PTPRT: variants seen among roughly 807,000 people sequenced by gnomAD.
PTPRT encodes receptor-type tyrosine-protein phosphatase T.
In PTPRT, 56 loss-of-function variants were observed where a neutral mutation model predicts 176.8. The ratio of observed to expected loss-of-function variants is 0.32; its 90% CI spans 0.26 to 0.40. The LOEUF (loss-of-function observed/expected upper bound fraction) is 0.40. Among genes scored for constraint, PTPRT ranks in the 10% least tolerant of loss-of-function variants. The pLI, the probability that PTPRT is intolerant of heterozygous loss-of-function variation, is 1.00. For missense variants in PTPRT, 1,540 were observed against 1,908.2 expected, an observed-to-expected ratio of 0.81 and a Z score of 3.60; for synonymous variants, 783 against 739.0, an observed-to-expected ratio of 1.06 and a Z score of -0.96.
chr20:42,345,330 A>T (rs1389133461), intron 11 of PTPRT, among the ~76,000 whole-genome samples: 1 of 150,190 alleles, frequency 6.7e-6, no homozygotes, highest in African/African-American at 2.5e-5. Context: ...ATTGAACAGC[A>T]CTCTTTTCAG....
At chr20:42,060,227 G>A in the PTPRT span, among the ~76,000 whole-genome samples, 2 of 152,184 alleles carry the variant, frequency 1.3e-5, no homozygotes, top group Admixed American at 6.5e-5. Flanking sequence ...TCATTCCTGG[G>A]TGTTAGGGTC....
At chr20:42,186,822 G>C (rs1193020395) in intron 16 of PTPRT, among the ~76,000 whole-genome samples, 1 of 152,048 alleles carries the variant, frequency 6.6e-6, no homozygotes, top group Non-Finnish European at 1.5e-5. Flanking sequence ...ACTTGGACAA[G>C]GATGGAGGTA....
chr20:42,108,326 A>ATTAC lies in PTPRT; in HGVS notation c.3255-1409_3255-1406dup, dbSNP rs1986670737. On this transcript the variant is annotated intron_variant, in intron 23 of 30. Coordinates refer to ENST00000373187, the MANE Select transcript of PTPRT (RefSeq NM_007050.6). ...CCCCCTAGGATTAAATCCTGGCTCT[A>ATTAC]TTACTTATTAGCTGCATGACCTCGG... Among the ~76,000 whole-genome samples, 5 of 152,242 alleles carry ATTAC rather than the reference A, an allele frequency of 3.3e-5. No individual in the cohort carries two copies. In the South Asian group the frequency reaches 8.3e-4, roughly 25 times the overall value.
At chr20:43,012,715 T>C (rs1023843925) in intron 1 of PTPRT, among the ~76,000 whole-genome samples, 1 of 152,084 alleles carries the variant, frequency 6.6e-6, no homozygotes, top group African/African-American at 2.4e-5. Flanking sequence ...GCTGGTGCAC[T>C]CTACCCTCGC....
intron 6 of PTPRT, chr20:42,687,438 C>T (rs1217513359): frequency 6.6e-6 from 1 of 152,318 alleles, no homozygotes; most frequent in African/African-American, 2.4e-5. Context: ...TGCCCCGGCT[C>T]CCCCTTATCC....
rs139125304 is a variant in PTPRT, at chr20:42,420,769, C to A, written c.1560+27451G>T. 5.3e-3 allele frequency among the ~76,000 whole-genome samples: 804 copies of A among 152,282 alleles called. 12 individuals carry two copies. The highest frequency in any genetic ancestry group is 4.8e-3 in the Non-Finnish European group (324 of 68,020). ...AAGCAATTCTGAAACCAACCCCTAC[C>A]AACATGGGTCTAGGACCAACCCCCG... On this transcript the variant is annotated intron_variant, in intron 9 of 30. Coordinates refer to ENST00000373187, the MANE Select transcript of PTPRT (RefSeq NM_007050.6).
intron 6 of PTPRT, among the ~76,000 whole-genome samples, chr20:42,707,624 C>T (rs2076081132): frequency 6.6e-6 from 1 of 152,146 alleles, no homozygotes; most frequent in Non-Finnish European, 1.5e-5. Flanking sequence ...CCTTCAGTCC[C>T]ACCATCACAA....
At chr20:42,676,969 T>C (rs1304183622) in intron 7 of PTPRT, among the ~76,000 whole-genome samples, 1 of 151,996 alleles carries the variant, frequency 6.6e-6, no homozygotes, top group Non-Finnish European at 1.5e-5. Flanking sequence ...AGCAAACTCT[T>C]ACATGGCATC....
At chr20:42,764,545 C>G (rs1019079340) in intron 5 of PTPRT, among the ~76,000 whole-genome samples, 10 of 152,052 alleles carry the variant, frequency 6.6e-5, no homozygotes, top group African/African-American at 2.2e-4. Context: ...GAGTGTAACC[C>G]AAGGTGACAG....
intron 1 of PTPRT, among the ~76,000 whole-genome samples, chr20:43,070,131 C>T (rs902756730): frequency 1.3e-5 from 2 of 152,106 alleles, no homozygotes; most frequent in Admixed American, 1.3e-4. Context: ...TGAATCTGCT[C>T]CCAACTCTCC....
chr20:42,077,647 T>C lies in PTPRT; in HGVS notation c.*3232A>G. On this transcript the variant is annotated 3_prime_UTR_variant, in exon 31 of 31. Transcript: ENST00000373187. ...GCCACATCCTTGTCCCATGGGATCT[T>C]AGGGAAGTCATCCCCATCCATAAGC... 1 of 218,304 alleles carries C rather than the reference T, an allele frequency of 4.6e-6. No homozygotes were observed. The allele number at this position is 218,304 out of a possible 1,614,324, so 13.5% of individuals were successfully genotyped here. A position where few individuals can be genotyped will look rare whatever the true frequency, so the allele number is the denominator to read the frequency against.
intron 16 of PTPRT, among the ~76,000 whole-genome samples, chr20:42,166,769 A>C (rs958133792): frequency 6.6e-6 from 1 of 152,204 alleles, no homozygotes; most frequent in Middle Eastern, 3.4e-3. Context: ...AAGTACAAAA[A>C]AATTAGCCAG....
chr20:42,628,904 T>C (rs1185185653), intron 7 of PTPRT, among the ~76,000 whole-genome samples: 1 of 152,188 alleles, frequency 6.6e-6, no homozygotes, highest in Non-Finnish European at 1.5e-5. Flanking sequence ...GGCCCTTAAC[T>C]GAAAAAGTTT....
chr20:42,995,677 A>G (rs1984183390), intron 1 of PTPRT, among the ~76,000 whole-genome samples: 1 of 152,200 alleles, frequency 6.6e-6, no homozygotes, highest in Non-Finnish European at 1.5e-5. Context: ...ACAGGATCTT[A>G]CCATCCAACT....
intron 9 of PTPRT, among the ~76,000 whole-genome samples, chr20:42,389,665 C>A (rs1432133920): frequency 6.6e-6 from 1 of 151,864 alleles, no homozygotes; most frequent in African/African-American, 2.4e-5. Context: ...CCAGCCTGGG[C>A]AACACAATGA....
At chr20:42,779,379 G>C (rs549836367) in intron 4 of PTPRT, among the ~76,000 whole-genome samples, 17 of 152,246 alleles carry the variant, frequency 1.1e-4, no homozygotes, top group Non-Finnish European at 5.9e-5. Flanking sequence ...ACCTAGAACT[G>C]GATGGCTGCC....
rs1981735508 is a variant in PTPRT, at chr20:42,957,914, T to G, written c.89-71982A>C. 2.0e-5 allele frequency among the ~76,000 whole-genome samples: 3 copies of G among 151,970 alleles called. No homozygotes were observed. The South Asian group carries it at 6.2e-4, about 32-fold the overall frequency. On this transcript the variant is annotated intron_variant, in intron 1 of 30. Coordinates refer to ENST00000373187, the MANE Select transcript of PTPRT (RefSeq NM_007050.6). ...TGCAGAATGTCTGCTTTAATTAGAT[T>G]TCCATTAATTACTTTTTTATCAATT...
At chr20:42,042,220 C>G in the PTPRT span, among the ~76,000 whole-genome samples, 1 of 152,158 alleles carries the variant, frequency 6.6e-6, no homozygotes, top group Non-Finnish European at 1.5e-5. Context: ...CTTTGGTTTA[C>G]ATTTTTCACA....
chr20:42,302,277 T>A (rs942492041), intron 12 of PTPRT, among the ~76,000 whole-genome samples: 9 of 152,264 alleles, frequency 5.9e-5, no homozygotes, highest in Admixed American at 2.0e-4. Flanking sequence ...TTCAACAGAA[T>A]AAATGCCAAG....
Sources: allele counts gnomAD v4.1 joint callset (sites outside exome capture counted in the v4.1 genomes callset), GRCh38; gene constraint gnomAD v4.1.1; transcripts MANE v1.5; gene names NCBI Gene and HGNC (gene_info 2026-07-23, HGNC 2026-07-21).